Variants in TBCD observed in about 807,000 individuals in gnomAD.
The protein encoded by TBCD is tubulin-specific chaperone D.
TBCD carries 105 observed loss-of-function variants against 169.3 expected under a neutral mutation model. The ratio of observed to expected loss-of-function variants is 0.62; its 90% CI spans 0.53 to 0.73. TBCD has a LOEUF of 0.73. Among genes scored for constraint, TBCD ranks in the 30% least tolerant of loss-of-function variants. The pLI, the probability that TBCD is intolerant of heterozygous loss-of-function variation, is 0.00. For synonymous variants in TBCD, 700 were observed against 643.9 expected, an observed-to-expected ratio of 1.09 and a Z score of -1.32; for missense variants, 1,444 against 1,600.1, an observed-to-expected ratio of 0.90 and a Z score of 1.66.
intron 13 of TBCD, chr17:82,830,300 A>G (rs766284222): frequency 6.2e-7 from 1 of 1,613,796 alleles, no homozygotes; most frequent in African/African-American, 1.3e-5. Context: ...CTCTCCATGG[A>G]GCTCAGTGTG....
intron 13 of TBCD, among the ~76,000 whole-genome samples, chr17:82,827,839 A>G (rs2053013794): frequency 7.0e-6 from 1 of 142,274 alleles, no homozygotes; most frequent in Admixed American, 7.0e-5. Context: ...ACCTTTGCAC[A>G]CCCACACAAT....
rs149676164 is a variant in TBCD at position 82,822,130 on chromosome 17, T to C, written c.1318+7196T>C. 7.6e-3 allele frequency among the ~76,000 whole-genome samples: 1,153 copies of C among 152,348 alleles called. 11 individuals carry two copies. Among genetic ancestry groups the C allele is most frequent in the African/African-American group, 0.026 (1,099 of 41,570 alleles). ...TTCTGGCTTCCAAAAGAAACTGTCA[T>C]GTTTTTCTCTCTGGATGACGAAAAC... On this transcript the variant is annotated intron_variant, in intron 13 of 38. Coordinates refer to ENST00000355528, the MANE Select transcript of TBCD (RefSeq NM_005993.5).
rs1568101345 is a variant in TBCD, at chr17:82,766,381, G to A, written c.435+13G>A. On this transcript the variant is annotated intron_variant, in intron 4 of 38. Transcript: ENST00000355528. ...CAAGGACCATGAAGTGAGTGTCTCT[G>A]CCTCCCCCCTCGTCTCCAGCCCTCC... 2.5e-6 allele frequency: 4 copies of A among 1,599,804 alleles called. No individual in the cohort carries two copies. The highest frequency in any genetic ancestry group is 4.5e-5 in the East Asian group (2 of 44,660).
intron 12 of TBCD, among the ~76,000 whole-genome samples, chr17:82,813,169 T>G (rs1437877478): frequency 6.6e-6 from 1 of 152,170 alleles, no homozygotes; most frequent in Non-Finnish European, 1.5e-5. Flanking sequence ...CTTGTCACAC[T>G]TTAACACCAA....
Position 82,789,599 on chromosome 17 carries a change from C to T in TBCD, c.771+7878C>T, listed in dbSNP as rs1444329931. ...AGGTTGGGGTGCCCCTGCCCTCTCCCCTGCCCCGCCCTCACCTGGCTCACA... is the reference window on the plus strand; with the variant it reads ...AGGTTGGGGTGCCCCTGCCCTCTCCTCTGCCCCGCCCTCACCTGGCTCACA... On this transcript the variant is annotated intron_variant, in intron 7 of 38. Coordinates refer to ENST00000355528, the MANE Select transcript of TBCD (RefSeq NM_005993.5). The surrounding 1 kb of genome is among the most constrained non-coding windows in gnomAD (Gnocchi z 4.8). Among the ~76,000 whole-genome samples, 1 of 152,196 alleles carries T rather than the reference C, an allele frequency of 6.6e-6. No individual in the cohort carries two copies. Among genetic ancestry groups the T allele is most frequent in the Non-Finnish European group, 1.5e-5 (1 of 68,018 alleles).
At chr17:82,778,818 C>A (rs1017572688) in intron 6 of TBCD, among the ~76,000 whole-genome samples, 2 of 151,286 alleles carry the variant, frequency 1.3e-5, no homozygotes, top group Non-Finnish European at 2.9e-5. Flanking sequence ...TGCGCCAGCA[C>A]CCCTGGCTAA....
intron 13 of TBCD, among the ~76,000 whole-genome samples, chr17:82,856,483 G>A (rs1053072002): frequency 6.6e-6 from 1 of 152,086 alleles, no homozygotes; most frequent in Non-Finnish European, 1.5e-5. Flanking sequence ...CAATGCTTGC[G>A]TTCCCCAAAA....
intron 14 of TBCD, among the ~76,000 whole-genome samples, chr17:82,881,025 A>T (rs1251726932): frequency 6.6e-6 from 1 of 152,122 alleles, no homozygotes; most frequent in African/African-American, 2.4e-5. Context: ...TGCTTTTGGG[A>T]AGGGCCTCCC....
chr17:82,815,880 A>C (rs1481113408), intron 13 of TBCD, among the ~76,000 whole-genome samples: 1 of 151,650 alleles, frequency 6.6e-6, no homozygotes, highest in Admixed American at 6.6e-5. Flanking sequence ...TTTTTTCCAG[A>C]CTTCTTTAAT....
At chr17:82,929,672 A>C (rs1299509138) in intron 32 of TBCD, 172 bp downstream of exon 32, 1 of 900,832 alleles carries the variant, frequency 1.1e-6, no homozygotes, top group South Asian at 1.4e-5. Flanking sequence ...ATGACCCAGG[A>C]GGCTTAGGGC....
At chr17:82,777,190 G>A (rs1260520716) in intron 6 of TBCD, among the ~76,000 whole-genome samples, 3 of 151,914 alleles carry the variant, frequency 2.0e-5, no homozygotes, top group Admixed American at 6.6e-5. Flanking sequence ...TTTCTCTACC[G>A]TTTATTAAGA....
At chr17:82,838,040 T>C (rs1598831998) in intron 13 of TBCD, among the ~76,000 whole-genome samples, 1 of 152,244 alleles carries the variant, frequency 6.6e-6, no homozygotes, top group East Asian at 1.9e-4. Context: ...GCTCAGCCGA[T>C]GCACTTGGCT....
chr17:82,756,292 T>TGATG, intron 2 of TBCD, 77 bp downstream of exon 2: 1 of 1,411,686 alleles, frequency 7.1e-7, no homozygotes, highest in Non-Finnish European at 9.8e-7. Context: ...TGCTGGCACA[T>TGATG]GCATGTGCTT....
At position 82,923,665 on chromosome 17, in the gene TBCD, C is replaced by T. The variant is rs370377063; in HGVS notation, c.2192C>T (p.Ser731Leu). The T allele has an allele frequency of 3.0e-5, 48 of 1,582,690 alleles. No individual in the cohort carries two copies. In the African/African-American group the frequency reaches 3.9e-4, roughly 13 times the overall value. Reference protein sequence around the residue: ...SRQQMKDAAVSALAALCSEYY... With the variant: ...SRQQMKDAAVLALAALCSEYY... ...CCTTTGTTTTAGGATGCAGCAGTCT[C>T]GGCCCTGGCTGCTCTATGCAGTGAA... Residue 731 changes from serine to leucine, a missense_variant, in exon 26 of 39, where the codon TCG (serine) becomes TTG (leucine). Physicochemically the swap from Ser to Leu is moderately radical, Grantham distance 145 (BLOSUM62 -2). Coordinates refer to ENST00000355528, the MANE Select transcript of TBCD (RefSeq NM_005993.5). This position sits in a 1 kb window ranked among gnomAD's most constrained non-coding sequence, Gnocchi z 4.6.
chr17:82,841,945 G>C (rs576966034), intron 13 of TBCD, among the ~76,000 whole-genome samples: 20 of 152,350 alleles, frequency 1.3e-4, no homozygotes, highest in African/African-American at 4.8e-4. Context: ...AGGGTGGTCA[G>C]CTGTATGATG....
At position 82,930,419 on chromosome 17, in the gene TBCD, G is replaced by C. The variant is rs540310267; in HGVS notation, c.2992-103G>C. 1.3e-6 allele frequency: 2 copies of C among 1,487,472 alleles called. No individual in the cohort carries two copies. The highest frequency in any genetic ancestry group is 4.9e-5 in the East Asian group (2 of 41,076). 92.1% of individuals were successfully genotyped at this position (1,487,472 alleles called of 1,614,324 possible). A position where few individuals can be genotyped will look rare whatever the true frequency, so the allele number is the denominator to read the frequency against. On this transcript the variant is annotated intron_variant, in intron 32 of 38. Transcript: ENST00000355528. This position sits in a 1 kb window ranked among gnomAD's most constrained non-coding sequence, Gnocchi z 5.2. ...CAGACCTTCGCGTCTCTGCAGCTCG[G>C]AGCAGTTCTGCTCTTCAGCAGATGC...
At chr17:82,820,060 G>T (rs373053135) in intron 13 of TBCD, among the ~76,000 whole-genome samples, 1 of 151,238 alleles carries the variant, frequency 6.6e-6, no homozygotes, top group Admixed American at 6.6e-5. Flanking sequence ...CTCACTGCCA[G>T]CTCCATCTCC....
chr17:82,873,225 G>A (rs934673185), intron 14 of TBCD, among the ~76,000 whole-genome samples: 1 of 152,262 alleles, frequency 6.6e-6, no homozygotes, highest in Non-Finnish European at 1.5e-5. Context: ...TTGTCTAAGA[G>A]CTGTCAACAT....
intron 17 of TBCD, among the ~76,000 whole-genome samples, chr17:82,897,390 C>A (rs113611639): frequency 1.3e-5 from 2 of 151,888 alleles, no homozygotes; most frequent in South Asian, 4.2e-4. Context: ...TGGTGGCGCA[C>A]CCCTGTAATC....
Sources: gnomAD v4.1 joint callset for allele counts (sites outside exome capture counted in the v4.1 genomes callset) on GRCh38, gnomAD v4.1.1 for gene constraint, Gnocchi (gnomAD v3.1) non-coding constraint, MANE v1.5 for transcripts, NCBI Gene and HGNC (gene_info 2026-07-23, HGNC 2026-07-21) for gene names.